Variants in ANO3 observed in about 807,000 individuals in gnomAD.
The protein encoded by ANO3 is anoctamin 3.
A neutral mutation model predicts 144.8 loss-of-function variants in ANO3; 99 were observed. The ratio of observed to expected loss-of-function variants is 0.68; its 90% CI spans 0.58 to 0.81. ANO3 has a LOEUF of 0.81. Among genes scored for constraint, ANO3 ranks in the 30% least tolerant of loss-of-function variants. The probability of loss-of-function intolerance (pLI) is 0.00; values close to 1 mark genes in which losing one functional copy is unlikely to be tolerated. For synonymous variants in ANO3, 414 were observed against 392.6 expected, an observed-to-expected ratio of 1.05 and a Z score of -0.64; for missense variants, 905 against 1,202.2, an observed-to-expected ratio of 0.75 and a Z score of 3.66.
chr11:26,635,214 C>A (rs1852915037), intron 20 of ANO3, 144 bp downstream of exon 20: 3 of 621,874 alleles, frequency 4.8e-6, no homozygotes, highest in African/African-American at 3.7e-5. Context: ...GAAGCAACTA[C>A]ATCTTTTCAA....
At chr11:26,566,008 TATC>T (rs1207164918) in intron 14 of ANO3, 74 of 1,107,990 alleles carry the variant, frequency 6.7e-5, no homozygotes, top group Non-Finnish European at 8.2e-5. Context: ...GAGATGGTAA[TATC>T]ATATTTTTAT....
chr11:26,375,995 A>G (rs1463820863), intron 1 of ANO3, among the ~76,000 whole-genome samples: 1 of 152,208 alleles, frequency 6.6e-6, no homozygotes, highest in African/African-American at 2.4e-5. Flanking sequence ...ATACACAATC[A>G]TATTCCCACA....
chr11:26,510,899 T>C (rs1861639353), intron 5 of ANO3, among the ~76,000 whole-genome samples: 1 of 152,210 alleles, frequency 6.6e-6, no homozygotes, highest in South Asian at 2.1e-4. Context: ...GAAGTCTATT[T>C]ATTCTAGAGC....
chr11:26,576,483 T>C (rs1850989519), intron 14 of ANO3, among the ~76,000 whole-genome samples: 1 of 152,210 alleles, frequency 6.6e-6, no homozygotes, highest in Non-Finnish European at 1.5e-5. Flanking sequence ...TTATTTTGAA[T>C]TTGCATCTCT....
intron 1 of ANO3, among the ~76,000 whole-genome samples, chr11:26,355,748 CG>C (rs1388013860): frequency 4.6e-5 from 7 of 151,992 alleles, no homozygotes; most frequent in Admixed American, 3.3e-4. Flanking sequence ...TTAGTAGAGA[CG>C]GGGTTTCACC....
At chr11:26,520,702 T>C (rs1862039147) in intron 6 of ANO3, among the ~76,000 whole-genome samples, 1 of 152,116 alleles carries the variant, frequency 6.6e-6, no homozygotes, top group Non-Finnish European at 1.5e-5. Context: ...TCTCAGTCTT[T>C]AGAGCACCTT....
chr11:26,538,992 G>A (rs1590486796), intron 10 of ANO3, among the ~76,000 whole-genome samples: 1 of 152,142 alleles, frequency 6.6e-6, no homozygotes, highest in Middle Eastern at 3.4e-3. Flanking sequence ...CCTTAATGCA[G>A]GAGACAAGTG....
chr11:26,306,198 T>C (rs1045236186), upstream of ANO3, among the ~76,000 whole-genome samples: 1 of 150,766 alleles, frequency 6.6e-6, no homozygotes, highest in African/African-American at 2.4e-5. Context: ...ATGGTCTCGA[T>C]CTCCTGACCT....
chr11:26,559,438 T>C (rs2134243586), intron 13 of ANO3: 2 of 280,088 alleles, frequency 7.1e-6, no homozygotes, highest in South Asian at 1.1e-4. Flanking sequence ...AATACTTCCA[T>C]AGAATGGTAG....
At position 26,553,363 on chromosome 11, in the gene ANO3, C is replaced by T. The variant is rs771728037; in HGVS notation, c.1386+18C>T. On this transcript the variant is annotated intron_variant, in intron 13 of 26. Transcript: ENST00000256737. ...ATGCCAAGGTGAGTGTGGACCCTCA[C>T]ATTCTCCTCCCTGAGCTGTACTGAG... The T allele has an allele frequency of 1.3e-6, 2 of 1,550,938 alleles. No homozygotes were observed. The highest frequency in any genetic ancestry group is 2.3e-5 in the South Asian group (2 of 88,532).
At chr11:26,531,073 A>T in intron 7 of ANO3, 132 bp from the exon 8 acceptor site, 3 of 910,726 alleles carry the variant, frequency 3.3e-6, no homozygotes, top group Non-Finnish European at 4.9e-6. Context: ...ATGCACGTGT[A>T]TGTGTGGTGT....
At chr11:26,262,824 C>T (rs755488295) in intron 1 of ANO3, among the ~76,000 whole-genome samples, 9 of 152,008 alleles carry the variant, frequency 5.9e-5, no homozygotes, top group Non-Finnish European at 1.3e-4. Flanking sequence ...GAAGTGTGCC[C>T]TCCATAAACA....
chr11:26,282,018 T>A (rs909856971), intron 1 of ANO3, among the ~76,000 whole-genome samples: 1 of 152,242 alleles, frequency 6.6e-6, no homozygotes, highest in Non-Finnish European at 1.5e-5. Context: ...ACACACTGTT[T>A]ATTCTTGGAA....
intron 1 of ANO3, among the ~76,000 whole-genome samples, chr11:26,276,070 C>T (rs755843808): frequency 2.0e-5 from 3 of 152,088 alleles, no homozygotes; most frequent in Non-Finnish European, 4.4e-5. Context: ...CAAGGGAGGC[C>T]TTGCTTGCTT....
chr11:26,457,966 C>T (rs1217002163), intron 3 of ANO3, among the ~76,000 whole-genome samples: 1 of 151,976 alleles, frequency 6.6e-6, no homozygotes, highest in Non-Finnish European at 1.5e-5. Context: ...TTTTAGGAAG[C>T]ATCATCAAAT....
chr11:26,563,381 G>A (rs1850374282), intron 14 of ANO3: 1 of 1,050,496 alleles, frequency 9.5e-7, no homozygotes. Flanking sequence ...TTAGATAATG[G>A]TGTGTTTCTC....
At chr11:26,203,742 G>T (rs1342857597) in intron 1 of ANO3, among the ~76,000 whole-genome samples, 1 of 152,080 alleles carries the variant, frequency 6.6e-6, no homozygotes, top group East Asian at 1.9e-4. Flanking sequence ...TTATAATCTT[G>T]CATCTACTGT....
intron 14 of ANO3, among the ~76,000 whole-genome samples, chr11:26,595,904 A>T (rs1385047756): frequency 6.6e-6 from 1 of 152,190 alleles, no homozygotes; most frequent in East Asian, 1.9e-4. Context: ...TTATTTTTCT[A>T]CTTTCTTCTG....
At chr11:26,650,144 A>G (rs2133081003) in intron 24 of ANO3, among the ~76,000 whole-genome samples, 1 of 152,334 alleles carries the variant, frequency 6.6e-6, no homozygotes, top group Non-Finnish European at 1.5e-5. Flanking sequence ...CCACACATTC[A>G]GAGGAGCACC....
Sources: allele counts gnomAD v4.1 joint callset (sites outside exome capture counted in the v4.1 genomes callset), GRCh38; gene constraint gnomAD v4.1.1; transcripts MANE v1.5; gene names NCBI Gene and HGNC (gene_info 2026-07-23, HGNC 2026-07-21).